Variants in PLPP1 observed in about 807,000 individuals in gnomAD.
PLPP1 encodes the protein lipid phosphate phosphohydrolase 1a.
In PLPP1, 24 loss-of-function variants were observed where a neutral mutation model predicts 31.2. The observed-to-expected ratio is 0.77, with a 90% CI of 0.56 to 1.08. The LOEUF (loss-of-function observed/expected upper bound fraction) is 1.08, where lower values mean the gene tolerates loss of function less well. PLPP1 is among the 50% of genes least tolerant of loss of function. The probability of loss-of-function intolerance (pLI) is 0.00; values close to 1 mark genes in which losing one functional copy is unlikely to be tolerated. For missense variants in PLPP1, 319 were observed against 342.7 expected (o/e 0.93, Z 0.55); for synonymous variants, 146 against 126.3 (o/e 1.16, Z -1.05).
chr5:55,432,461 AAAG>A (rs1218160278), intron 4 of PLPP1, among the ~76,000 whole-genome samples: 6 of 152,310 alleles, frequency 3.9e-5, no homozygotes, highest in South Asian at 4.1e-4. Flanking sequence ...CCATACTTAC[AAAG>A]AAGAACACCC....
intron 1 of PLPP1, among the ~76,000 whole-genome samples, chr5:55,488,252 T>TA (rs1257641692): frequency 6.6e-6 from 1 of 151,410 alleles, no homozygotes; most frequent in Admixed American, 6.6e-5. Flanking sequence ...AGCTGCTTGA[T>TA]ATTATAATAC....
intron 1 of PLPP1, among the ~76,000 whole-genome samples, chr5:55,506,085 A>T (rs573714417): frequency 6.6e-6 from 1 of 152,040 alleles, no homozygotes; most frequent in East Asian, 1.9e-4. Context: ...ACAAAACAAA[A>T]ACCTTATTTT....
chr5:55,534,111 G>C (rs35774487), intron 1 of PLPP1, among the ~76,000 whole-genome samples: 9,247 of 152,216 alleles, frequency 0.061, 514 homozygotes, highest in African/African-American at 0.12. Flanking sequence ...TTAGGAACTA[G>C]TTCTAGCCTT....
chr5:55,515,992 C>T (rs1168029984), intron 1 of PLPP1, among the ~76,000 whole-genome samples: 1 of 152,086 alleles, frequency 6.6e-6, no homozygotes, highest in Non-Finnish European at 1.5e-5. Context: ...CCAAACCAAA[C>T]GATCTCCTCC....
At chr5:55,458,225 T>C (rs1752064427) in intron 3 of PLPP1, among the ~76,000 whole-genome samples, 1 of 152,158 alleles carries the variant, frequency 6.6e-6, no homozygotes, top group African/African-American at 2.4e-5. Flanking sequence ...GTTACAAGAA[T>C]GCCAAAAGGA....
intron 4 of PLPP1, among the ~76,000 whole-genome samples, chr5:55,432,602 A>G (rs1161467050): frequency 6.6e-6 from 1 of 152,138 alleles, no homozygotes; most frequent in African/African-American, 2.4e-5. Flanking sequence ...AATATCTCTG[A>G]TGAACACAGA....
chr5:55,521,899 A>G (rs922607675), intron 1 of PLPP1, among the ~76,000 whole-genome samples: 24 of 151,854 alleles, frequency 1.6e-4, no homozygotes, highest in Non-Finnish European at 3.2e-4. Context: ...AATAGATAAT[A>G]GCTTTCTTCT....
intron 3 of PLPP1, among the ~76,000 whole-genome samples, chr5:55,443,192 A>ATATATATATATATATATAT (rs1554037280): frequency 7.9e-5 from 2 of 25,438 alleles, no homozygotes; most frequent in African/African-American, 1.1e-4. Flanking sequence ...AAAAAAAAAA[A>ATATATATATATATATATAT]ATATATATAT....
chr5:55,522,691 ATTTTGTTTTGTTTTGTTTTG>A lies in PLPP1; in HGVS notation c.58+11861_58+11880del, dbSNP rs148739898. Among the ~76,000 whole-genome samples, 291 of 150,320 alleles carry A rather than the reference ATTTTGTTTTGTTTTGTTTTG, an allele frequency of 1.9e-3. 1 individual carries two copies. The highest frequency in any genetic ancestry group is 5.2e-3 in the African/African-American group (213 of 40,720). On this transcript the variant is annotated intron_variant, in intron 1 of 5. Transcript: ENST00000307259. ...AATATTTAAGCCATCTAAAATAATC[ATTTTGTTTTGTTTTGTTTTG>A]TTTTGTTTTGTTTTGTTTTGTTTTG...
At chr5:55,498,568 GAATA>G (rs1332885255) in intron 1 of PLPP1, among the ~76,000 whole-genome samples, 1 of 152,030 alleles carries the variant, frequency 6.6e-6, no homozygotes, top group Non-Finnish European at 1.5e-5. Context: ...TGAAATGAAT[GAATA>G]AACAAGTGAG....
chr5:55,435,114 C>A (rs751794555), intron 4 of PLPP1, among the ~76,000 whole-genome samples: 2 of 152,100 alleles, frequency 1.3e-5, no homozygotes, highest in Non-Finnish European at 2.9e-5. Context: ...CAAAAGAAGA[C>A]GTACAAATGG....
chr5:55,488,208 TAAAAA>T (rs781599627), intron 1 of PLPP1, among the ~76,000 whole-genome samples: 1 of 143,182 alleles, frequency 7.0e-6, no homozygotes, highest in Non-Finnish European at 1.5e-5. Context: ...TTCCACTCCT[TAAAAA>T]AAAAAAAATT....
At chr5:55,529,246 T>C (rs1740573698) in intron 1 of PLPP1, among the ~76,000 whole-genome samples, 2 of 129,744 alleles carry the variant, frequency 1.5e-5, no homozygotes, top group Non-Finnish European at 1.6e-5. Context: ...CATACACACA[T>C]ACGTGTATAT....
chr5:55,490,144 C>CTTTTTT lies in PLPP1; in HGVS notation c.59-14700_59-14695dup, dbSNP rs896241457. 6.3e-3 allele frequency among the ~76,000 whole-genome samples: 526 copies of CTTTTTT among 83,286 alleles called. 1 individual carries two copies. Among genetic ancestry groups the CTTTTTT allele is most frequent in the Non-Finnish European group, 8.0e-3 (335 of 42,038 alleles). 54.6% of individuals were successfully genotyped at this position (83,286 alleles called of 152,430 possible). The stretch of plus-strand genomic sequence containing the variant: ...AGTAAGAAATAGTGACTTTTCTTTT[C>CTTTTTT]TTTTTTTTTTTTTTTTTTTTTTTGA... On this transcript the variant is annotated intron_variant, in intron 1 of 5. Transcript: ENST00000307259.
chr5:55,480,223 C>T (rs1752641381), intron 1 of PLPP1, among the ~76,000 whole-genome samples: 1 of 151,942 alleles, frequency 6.6e-6, no homozygotes, highest in African/African-American at 2.4e-5. Context: ...AAATGACTAC[C>T]CTTGTCAAAC....
intron 3 of PLPP1, among the ~76,000 whole-genome samples, chr5:55,457,640 C>CCCT (rs1239093696): frequency 1.6e-4 from 24 of 152,118 alleles, no homozygotes; most frequent in Non-Finnish European, 1.5e-5. Context: ...CCTGTAATCC[C>CCCT]AGCACTCTGG....
intron 3 of PLPP1, among the ~76,000 whole-genome samples, chr5:55,448,114 A>C (rs1442399210): frequency 1.3e-5 from 2 of 152,222 alleles, no homozygotes; most frequent in African/African-American, 2.4e-5. Context: ...CCTCTTAATG[A>C]ACATAAACTT....
intron 1 of PLPP1, among the ~76,000 whole-genome samples, chr5:55,516,382 T>A (rs969492880): frequency 7.9e-5 from 12 of 152,218 alleles, no homozygotes; most frequent in African/African-American, 2.4e-4. Context: ...TCCTTTTTTT[T>A]AGACCCCTTA....
chr5:55,494,289 G>A (rs1215395317), intron 1 of PLPP1, among the ~76,000 whole-genome samples: 3 of 151,086 alleles, frequency 2.0e-5, no homozygotes, highest in Non-Finnish European at 4.4e-5. Flanking sequence ...AAACAGAATA[G>A]GATGCAGAGA....
Sources: allele counts gnomAD v4.1 joint callset (sites outside exome capture counted in the v4.1 genomes callset), GRCh38; gene constraint gnomAD v4.1.1; transcripts MANE v1.5; gene names NCBI Gene and HGNC (gene_info 2026-07-23, HGNC 2026-07-21).